Variants in CHST8 observed in about 807,000 individuals in gnomAD.
CHST8 encodes the protein carbohydrate sulfotransferase 8.
A neutral mutation model predicts 15.0 loss-of-function variants in CHST8; 10 were observed. That is an observed-to-expected ratio of 0.67 (90% CI 0.41 to 1.13). The LOEUF is 1.13. CHST8 is among the 50% of genes most tolerant of loss of function. CHST8 has a pLI of 0.00. For missense variants in CHST8, 634 were observed against 608.2 expected, an observed-to-expected ratio of 1.04 and a Z score of -0.45; for synonymous variants, 259 against 256.6, an observed-to-expected ratio of 1.01 and a Z score of -0.09.
intron 1 of CHST8, among the ~76,000 whole-genome samples, chr19:33,652,211 A>G: frequency 6.6e-6 from 1 of 151,854 alleles, no homozygotes; most frequent in Admixed American, 6.6e-5. Context: ...ATTTTACCAT[A>G]TATTAATATT....
intron 2 of CHST8, among the ~76,000 whole-genome samples, chr19:33,678,163 G>A (rs1241128834): frequency 6.6e-6 from 1 of 152,190 alleles, no homozygotes; most frequent in Non-Finnish European, 1.5e-5. Flanking sequence ...GCACCAAGGG[G>A]TCACTGGGGT....
At chr19:33,664,513 A>G (rs944192415) in intron 1 of CHST8, among the ~76,000 whole-genome samples, 8 of 135,214 alleles carry the variant, frequency 5.9e-5, no homozygotes, top group East Asian at 2.2e-4. Flanking sequence ...TCATTGTTCA[A>G]TTCCCACCTG....
chr19:33,772,692 A>C lies in CHST8; in HGVS notation c.904A>C (p.Thr302Pro), dbSNP rs1156996248. 1 of 1,613,472 alleles carries C rather than the reference A, an allele frequency of 6.2e-7. No homozygotes were observed. Among genetic ancestry groups the C allele is most frequent in the Non-Finnish European group, 8.5e-7 (1 of 1,180,032 alleles). ...CAATGCCTCTCGGGAGGCCCTGCGG[A>C]CCGGCTCTGGGGTGCGTTTTCCCGA... ...RANASREALR[T>P]GSGVRFPEFV... Residue 302 changes from threonine (T) to proline (P), a missense_variant, in exon 5 of 5, where the codon ACC becomes CCC. Coordinates refer to ENST00000650847, the MANE Select transcript of CHST8 (RefSeq NM_001127895.2).
chr19:33,665,974 G>A (rs530556701), intron 1 of CHST8, among the ~76,000 whole-genome samples: 4 of 152,368 alleles, frequency 2.6e-5, no homozygotes, highest in African/African-American at 4.8e-5. Flanking sequence ...GCTGGAGGCC[G>A]AAAGGCAGGC....
intron 3 of CHST8, among the ~76,000 whole-genome samples, chr19:33,741,338 C>T (rs1344588770): frequency 1.3e-5 from 2 of 151,716 alleles, no homozygotes; most frequent in Non-Finnish European, 2.9e-5. Flanking sequence ...ACTCAGGAAG[C>T]TTGTTGGGTT....
At chr19:33,638,531 C>T (rs1264012694) in intron 1 of CHST8, among the ~76,000 whole-genome samples, 3 of 152,180 alleles carry the variant, frequency 2.0e-5, no homozygotes, top group Non-Finnish European at 4.4e-5. Context: ...TGGCCGGCCA[C>T]AGTGCACAAC....
chr19:33,659,020 G>T, intron 1 of CHST8, among the ~76,000 whole-genome samples: 1 of 140,520 alleles, frequency 7.1e-6, no homozygotes, highest in African/African-American at 2.6e-5. Context: ...CTCTCTTTTT[G>T]CTAGATTCTA....
In CHST8 at chr19:33,719,018, C is replaced by T. The variant is rs1973724822; in HGVS notation, c.130+29627C>T. ...GTGTCTCTTCACTCCAGGGCTTCCA[C>T]CCGAGACCTGGGCTCCCGGGACTGG... On this transcript the variant is annotated intron_variant, in intron 3 of 4. Transcript: ENST00000650847. 2.0e-5 allele frequency among the ~76,000 whole-genome samples: 3 copies of T among 152,102 alleles called. 1 individual carries two copies. The South Asian group carries it at 6.2e-4, about 32-fold the overall frequency.
intron 3 of CHST8, among the ~76,000 whole-genome samples, chr19:33,718,039 A>G (rs759387389): frequency 3.9e-5 from 6 of 152,070 alleles, no homozygotes; most frequent in Non-Finnish European, 7.3e-5. Context: ...GAAGGCAGCC[A>G]GGGCTTTGAT....
At chr19:33,719,102 C>A (rs1973727735) in intron 3 of CHST8, among the ~76,000 whole-genome samples, 1 of 152,292 alleles carries the variant, frequency 6.6e-6, no homozygotes, top group Middle Eastern at 3.4e-3. Flanking sequence ...TGTGACACTG[C>A]AGCCAAAGAC....
At chr19:33,740,075 T>C (rs1441926470) in intron 3 of CHST8, among the ~76,000 whole-genome samples, 1 of 152,210 alleles carries the variant, frequency 6.6e-6, no homozygotes, top group African/African-American at 2.4e-5. Context: ...AGTCAATTTG[T>C]CCAGGATGCC....
Position 33,679,576 on chromosome 19 carries a change from G to A in CHST8, c.-86-9600G>A, listed in dbSNP as rs115757663. 6.1e-3 allele frequency among the ~76,000 whole-genome samples: 932 copies of A among 152,346 alleles called. 10 individuals are homozygous for A. The highest frequency in any genetic ancestry group is 0.019 in the African/African-American group (806 of 41,578). On this transcript the variant is annotated intron_variant, in intron 2 of 4. Coordinates refer to ENST00000650847, the MANE Select transcript of CHST8 (RefSeq NM_001127895.2). ...TTGCTTATGCAGCCAAACTTTCTGC[G>A]TGTTCCTCTGGAGACTGTCAGACCT...
chr19:33,764,110 T>C (rs546855459), intron 3 of CHST8, among the ~76,000 whole-genome samples: 9 of 152,192 alleles, frequency 5.9e-5, no homozygotes, highest in African/African-American at 2.2e-4. Context: ...TGGGCCCAGC[T>C]TCTGGGAAGC....
chr19:33,755,729 G>A (rs35556583), intron 3 of CHST8, among the ~76,000 whole-genome samples: 6,304 of 152,288 alleles, frequency 0.041, 168 homozygotes, highest in Non-Finnish European at 0.062. Flanking sequence ...CTGTGTCCGT[G>A]GTGGGCTCTC....
At chr19:33,633,774 CGTGTGT>C (rs55655047) in intron 1 of CHST8, among the ~76,000 whole-genome samples, 8,367 of 141,108 alleles carry the variant, frequency 0.059, 330 homozygotes, top group Middle Eastern at 0.13. Context: ...TTTTCTTTTT[CGTGTGT>C]GTGTGTGTGT....
chr19:33,755,362 G>A (rs1040981983), intron 3 of CHST8, among the ~76,000 whole-genome samples: 2 of 152,138 alleles, frequency 1.3e-5, no homozygotes, highest in African/African-American at 4.8e-5. Context: ...GTGATTTATT[G>A]CCATCATCAC....
intron 1 of CHST8, among the ~76,000 whole-genome samples, chr19:33,635,695 C>G (rs904235170): frequency 2.0e-5 from 3 of 152,158 alleles, no homozygotes; most frequent in Non-Finnish European, 2.9e-5. Context: ...CTTAGTTCCC[C>G]GGAGATACTG....
Position 33,689,379 on chromosome 19 carries a change from C to A in CHST8, c.118C>A (p.Gln40Lys). 1 of 1,595,954 alleles carries A rather than the reference C, an allele frequency of 6.3e-7. No homozygotes were observed. The highest frequency in any genetic ancestry group is 8.5e-7 in the Non-Finnish European group (1 of 1,173,730). The change falls in exon 3 of 5, where the codon CAG becomes AAG. Residue 40 changes from glutamine (Q) to lysine (K), a missense_variant. Physicochemically the swap from Gln to Lys is moderately conservative, Grantham distance 53. Transcript: ENST00000650847. ...SLQDPTELAPQQVPGIKFNIR... is the reference protein window; with the variant it reads ...SLQDPTELAPKQVPGIKFNIR... ...GCAGGACCCTACGGAGCTCGCCCCC[C>A]AGCAGGTGCCAGGTGAGTCCTTGCG...
chr19:33,700,768 A>G (rs1246785798), intron 3 of CHST8, among the ~76,000 whole-genome samples: 2 of 152,156 alleles, frequency 1.3e-5, no homozygotes, highest in Non-Finnish European at 2.9e-5. Context: ...GGGGCACAGA[A>G]AGCCAAGCCC....
Sources: allele counts gnomAD v4.1 joint callset (sites outside exome capture counted in the v4.1 genomes callset), GRCh38; gene constraint gnomAD v4.1.1; transcripts MANE v1.5; gene names NCBI Gene and HGNC (gene_info 2026-07-23, HGNC 2026-07-21).